The following MTA3 variants were observed in gnomAD, a reference collection of about 807,000 sequenced individuals.
MTA3 encodes the protein metastasis-associated protein MTA3.
Under a neutral mutation model 83.5 loss-of-function variants are expected in MTA3, and 34 were observed. That is an observed-to-expected ratio of 0.41 (90% CI 0.31 to 0.54). The LOEUF (loss-of-function observed/expected upper bound fraction) is 0.54, where lower values mean the gene tolerates loss of function less well. Among genes scored for constraint, MTA3 ranks in the 20% least tolerant of loss-of-function variants. The pLI is 0.33. For synonymous variants in MTA3, 303 were observed against 252.7 expected (o/e 1.20, Z -1.89); for missense variants, 761 against 726.4 (o/e 1.05, Z -0.55).
intron 8 of MTA3, among the ~76,000 whole-genome samples, chr2:42,665,912 G>T (rs1690190377): frequency 6.6e-6 from 1 of 152,214 alleles, no homozygotes; most frequent in South Asian, 2.1e-4. Context: ...AGGCCAAGCT[G>T]TGTTGATTTA....
intron 4 of MTA3, among the ~76,000 whole-genome samples, chr2:42,629,785 AT>A (rs945045019): frequency 2.0e-4 from 30 of 147,918 alleles, no homozygotes; most frequent in African/African-American, 5.2e-4. Flanking sequence ...CTGAAAAACA[AT>A]TTTTTTTTTT....
intron 2 of MTA3, among the ~76,000 whole-genome samples, chr2:42,498,536 T>C (rs1674248217): frequency 6.6e-6 from 1 of 152,064 alleles, no homozygotes; most frequent in African/African-American, 2.4e-5. Context: ...AAGCTATACA[T>C]ACTTACGGGG....
chr2:42,615,625 A>G (rs1381105486), intron 4 of MTA3, among the ~76,000 whole-genome samples: 1 of 150,828 alleles, frequency 6.6e-6, no homozygotes. Flanking sequence ...AAGTGCTGGA[A>G]TTACAGGCTT....
chr2:42,644,047 A>G, intron 5 of MTA3, 80 bp from the exon 6 acceptor site: 1 of 837,470 alleles, frequency 1.2e-6, no homozygotes, highest in Non-Finnish European at 1.8e-6. Flanking sequence ...TTATATGTTC[A>G]TTGTAGCAAC....
intron 2 of MTA3, among the ~76,000 whole-genome samples, chr2:42,559,239 C>T (rs554000636): frequency 3.9e-5 from 6 of 152,328 alleles, no homozygotes; most frequent in Non-Finnish European, 7.3e-5. Context: ...CAGTGGCTCA[C>T]GCCTGTAATC....
At chr2:42,563,441 G>A (rs1677757319) in intron 2 of MTA3, among the ~76,000 whole-genome samples, 2 of 152,216 alleles carry the variant, frequency 1.3e-5, no homozygotes, top group Non-Finnish European at 2.9e-5. Flanking sequence ...AGTGCTGAGC[G>A]TGAGCCACTG....
At chr2:42,648,904 TA>T (rs1430614211) in intron 6 of MTA3, among the ~76,000 whole-genome samples, 4 of 152,226 alleles carry the variant, frequency 2.6e-5, no homozygotes, top group Non-Finnish European at 5.9e-5. Context: ...CTGACTATAC[TA>T]TGTTTTAATT....
At chr2:42,552,760 G>A (rs1215092979) in intron 2 of MTA3, among the ~76,000 whole-genome samples, 2 of 152,132 alleles carry the variant, frequency 1.3e-5, no homozygotes, top group Admixed American at 1.3e-4. Flanking sequence ...GGCCATCCTG[G>A]CCAACATGGT....
intron 16 of MTA3, among the ~76,000 whole-genome samples, chr2:42,735,665 T>C (rs1668556261): frequency 6.6e-6 from 1 of 152,218 alleles, no homozygotes; most frequent in Non-Finnish European, 1.5e-5. Flanking sequence ...CTTTATTCTC[T>C]TGTCTCCTCT....
At chr2:42,583,316 G>T (rs1055487341) in intron 3 of MTA3, among the ~76,000 whole-genome samples, 1 of 152,172 alleles carries the variant, frequency 6.6e-6, no homozygotes, top group African/African-American at 2.4e-5. Flanking sequence ...GGTGGAGTTA[G>T]ATGTATCTTA....
intron 6 of MTA3, among the ~76,000 whole-genome samples, chr2:42,646,948 C>A (rs4953531): frequency 0.75 from 113,615 of 151,326 alleles, 43,003 homozygotes; most frequent in South Asian, 0.88. Flanking sequence ...CGAGGTCAGG[C>A]GATCGAGACC....
intron 2 of MTA3, among the ~76,000 whole-genome samples, chr2:42,503,832 AGCCC>A (rs1360498069): frequency 6.6e-6 from 1 of 152,022 alleles, no homozygotes; most frequent in South Asian, 2.1e-4. Flanking sequence ...CAACATAGCA[AGCCC>A]CCATCATTTA....
At chr2:42,516,983 G>C (rs533756829) in intron 2 of MTA3, among the ~76,000 whole-genome samples, 1 of 152,134 alleles carries the variant, frequency 6.6e-6, no homozygotes, top group African/African-American at 2.4e-5. Flanking sequence ...AATTTGGCCC[G>C]GTGTGGTGGC....
At chr2:42,685,710 AT>A (rs1692313461) in intron 9 of MTA3, among the ~76,000 whole-genome samples, 2 of 152,148 alleles carry the variant, frequency 1.3e-5, no homozygotes, top group South Asian at 4.1e-4. Flanking sequence ...TCCATATTAG[AT>A]TTGTTGTATT....
chr2:42,697,971 T>A (rs1693537660), intron 11 of MTA3, 137 bp downstream of exon 11: 1 of 580,556 alleles, frequency 1.7e-6, no homozygotes, highest in African/African-American at 1.9e-5. Context: ...GACTTACTAT[T>A]ATACCACTAC....
At chr2:42,644,313 C>G in intron 6 of MTA3, 69 bp downstream of exon 6, 1 of 993,088 alleles carries the variant, frequency 1.0e-6, no homozygotes, top group Non-Finnish European at 1.5e-6. Flanking sequence ...TACATGTCCT[C>G]ATGTAGAAGA....
chr2:42,635,924 C>G (rs922528661), intron 4 of MTA3, among the ~76,000 whole-genome samples: 1 of 152,062 alleles, frequency 6.6e-6, no homozygotes, highest in East Asian at 1.9e-4. Flanking sequence ...CACCACCACA[C>G]CCAGCTAATT....
intron 4 of MTA3, among the ~76,000 whole-genome samples, chr2:42,631,390 A>C (rs1453710487): frequency 6.6e-6 from 1 of 152,232 alleles, no homozygotes; most frequent in Non-Finnish European, 1.5e-5. Flanking sequence ...TTAACTGCTT[A>C]ACCCCTTTAA....
At chr2:42,611,983 AG>A (rs1425230650) in intron 4 of MTA3, among the ~76,000 whole-genome samples, 2 of 152,084 alleles carry the variant, frequency 1.3e-5, no homozygotes, top group African/African-American at 2.4e-5. Context: ...GATTTTTATT[AG>A]GGGGCACTAT....
Sources: gnomAD v4.1 joint callset for allele counts (sites outside exome capture counted in the v4.1 genomes callset) on GRCh38, gnomAD v4.1.1 for gene constraint, MANE v1.5 for transcripts, NCBI Gene and HGNC (gene_info 2026-07-23, HGNC 2026-07-21) for gene names.